Variants in DNAAF11 observed in about 807,000 individuals in gnomAD.
The protein encoded by DNAAF11 is leucine rich repeat containing 6.
In DNAAF11, 45 loss-of-function variants were observed where a neutral mutation model predicts 60.8. That is an observed-to-expected ratio of 0.74 (90% CI 0.58 to 0.95). DNAAF11 has a LOEUF of 0.95. Ranked by LOEUF, DNAAF11 falls within the 40% of genes least tolerant of loss-of-function variation. DNAAF11 has a pLI of 0.00. For synonymous variants in DNAAF11, 191 were observed against 183.5 expected (o/e 1.04, Z -0.33); for missense variants, 546 against 546.2 (o/e 1.00, Z 0.00).
At chr8:132,692,200 G>A in the DNAAF11 span, among the ~76,000 whole-genome samples, 1 of 151,864 alleles carries the variant, frequency 6.6e-6, no homozygotes, top group Non-Finnish European at 1.5e-5. Context: ...ATAAACTGGG[G>A]TGGGGGGTAG....
At chr8:132,644,773 C>T (rs1386258626) in intron 3 of DNAAF11, among the ~76,000 whole-genome samples, 2 of 152,184 alleles carry the variant, frequency 1.3e-5, no homozygotes, top group Non-Finnish European at 2.9e-5. Flanking sequence ...AAGGCGGCAG[C>T]AAGGCTGGGG....
chr8:132,630,057 C>A (rs1268493098), intron 5 of DNAAF11, among the ~76,000 whole-genome samples: 1 of 152,188 alleles, frequency 6.6e-6, no homozygotes, highest in African/African-American at 2.4e-5. Context: ...ATGAAGATGT[C>A]AACTTTCCCT....
At chr8:132,628,487 C>A (rs974504812) in intron 5 of DNAAF11, among the ~76,000 whole-genome samples, 7 of 152,096 alleles carry the variant, frequency 4.6e-5, no homozygotes, top group African/African-American at 1.7e-4. Flanking sequence ...CTTCCCTGAT[C>A]CCTCTGCTTT....
At chr8:132,650,300 C>T (rs1379736605) in intron 3 of DNAAF11, among the ~76,000 whole-genome samples, 5 of 151,570 alleles carry the variant, frequency 3.3e-5, no homozygotes, top group African/African-American at 2.4e-5. Context: ...TTCTCACTCA[C>T]AGGTGGGAAT....
At chr8:132,700,233 G>A in the DNAAF11 span, among the ~76,000 whole-genome samples, 1 of 152,158 alleles carries the variant, frequency 6.6e-6, no homozygotes. Flanking sequence ...AGATTGTTGG[G>A]AAAGGCAGTG....
At chr8:132,694,049 G>A in the DNAAF11 span, among the ~76,000 whole-genome samples, 1,326 of 152,280 alleles carry the variant, frequency 8.7e-3, 29 homozygotes, top group African/African-American at 0.03. Context: ...TAGGAGCAAA[G>A]ATCAGAAGCA....
intron 8 of DNAAF11, 96 bp downstream of exon 8, chr8:132,614,942 G>A: frequency 1.4e-6 from 1 of 723,642 alleles, no homozygotes; most frequent in Non-Finnish European, 2.4e-6. Flanking sequence ...ATAGGTCTAA[G>A]TCAATTCCAT....
chr8:132,673,351 C>T (rs1299188125), intron 1 of DNAAF11, among the ~76,000 whole-genome samples: 1 of 152,162 alleles, frequency 6.6e-6, no homozygotes, highest in Non-Finnish European at 1.5e-5. Context: ...GCATGTTAAC[C>T]AAGCCTGGCA....
chr8:132,603,859 G>A (rs1362970164), intron 10 of DNAAF11, among the ~76,000 whole-genome samples: 5 of 152,038 alleles, frequency 3.3e-5, no homozygotes, highest in East Asian at 1.9e-4. Flanking sequence ...TGCCAAAGGC[G>A]GGGGCGGAGT....
At chr8:132,680,518 TATG>T (rs1825848116), upstream of DNAAF11, among the ~76,000 whole-genome samples, 1 of 152,168 alleles carries the variant, frequency 6.6e-6, no homozygotes, top group Admixed American at 6.5e-5. Flanking sequence ...CTTATTTTTT[TATG>T]ATATGTAACC....
At chr8:132,595,347 GGAAAAAAAAAA>G (rs1362168494) in intron 10 of DNAAF11, among the ~76,000 whole-genome samples, 4 of 40,674 alleles carry the variant, frequency 9.8e-5, no homozygotes, top group African/African-American at 3.2e-4. Context: ...GAGACAGAGG[GGAAAAAAAAAA>G]AAAAAAAAAA....
chr8:132,658,424 A>G (rs201149575), intron 2 of DNAAF11, among the ~76,000 whole-genome samples: 14 of 151,926 alleles, frequency 9.2e-5, no homozygotes, highest in African/African-American at 3.1e-4. Flanking sequence ...CCGGGTTCAC[A>G]CCATTCTCCT....
the DNAAF11 span, among the ~76,000 whole-genome samples, chr8:132,686,292 G>A: frequency 2.0e-5 from 3 of 152,192 alleles, no homozygotes; most frequent in South Asian, 4.1e-4. Context: ...TTTGCTCAAA[G>A]AACAGAAAAA....
At chr8:132,595,125 T>C (rs528352417) in intron 10 of DNAAF11, among the ~76,000 whole-genome samples, 4 of 152,010 alleles carry the variant, frequency 2.6e-5, no homozygotes, top group African/African-American at 9.7e-5. Context: ...CTTGGGTATT[T>C]ATTTATAGCA....
intron 7 of DNAAF11, among the ~76,000 whole-genome samples, chr8:132,619,451 T>C (rs1406395003): frequency 7.9e-6 from 1 of 127,090 alleles, no homozygotes; most frequent in Non-Finnish European, 1.7e-5. Flanking sequence ...AGTATAATAA[T>C]AATAAATTAA....
At chr8:132,688,635 G>C in the DNAAF11 span, among the ~76,000 whole-genome samples, 1 of 152,148 alleles carries the variant, frequency 6.6e-6, no homozygotes, top group African/African-American at 2.4e-5. Flanking sequence ...GTTGTTGGCA[G>C]CTCTCTGACC....
the DNAAF11 span, among the ~76,000 whole-genome samples, chr8:132,689,724 T>C: frequency 1.3e-5 from 2 of 151,948 alleles, no homozygotes; most frequent in African/African-American, 4.8e-5. Flanking sequence ...TGTGTATGTG[T>C]ATATATATAC....
At chr8:132,643,575 C>T (rs1822069425) in intron 3 of DNAAF11, 2 of 453,010 alleles carry the variant, frequency 4.4e-6, no homozygotes, top group Non-Finnish European at 8.9e-6. Context: ...GATATCCTGT[C>T]AATGTCATAT....
At chr8:132,661,999 G>C (rs1036614633) in intron 1 of DNAAF11, among the ~76,000 whole-genome samples, 2 of 152,182 alleles carry the variant, frequency 1.3e-5, no homozygotes, top group African/African-American at 2.4e-5. Context: ...ATCTGAGACA[G>C]AGCAACTTGC....
Sources: gnomAD v4.1 joint callset for allele counts (sites outside exome capture counted in the v4.1 genomes callset) on GRCh38, gnomAD v4.1.1 for gene constraint, MANE v1.5 for transcripts, NCBI Gene and HGNC (gene_info 2026-07-23, HGNC 2026-07-21) for gene names.